The following USP34 variants were observed in gnomAD, a reference collection of about 807,000 sequenced individuals.
The protein encoded by USP34 is ubiquitin specific peptidase 34, also known as ubiquitin carboxyl-terminal hydrolase 34.
USP34 carries 70 observed loss-of-function variants against 460.3 expected under a neutral mutation model. The observed-to-expected ratio is 0.15, with a 90% confidence interval of 0.13 to 0.19. USP34 has a LOEUF of 0.19. Ranked by LOEUF, USP34 falls within the 10% of genes least tolerant of loss-of-function variation. USP34 has a pLI of 1.00. For missense variants in USP34, 3,985 were observed against 4,236.2 expected (o/e 0.94, Z 1.65); for synonymous variants, 1,647 against 1,405.3 (o/e 1.17, Z -3.85).
intron 25 of USP34, among the ~76,000 whole-genome samples, chr2:61,312,441 A>G (rs1690622194): frequency 6.6e-6 from 1 of 151,910 alleles, no homozygotes; most frequent in African/African-American, 2.4e-5. Flanking sequence ...ACCTAGCATG[A>G]TAATCACTAA....
chr2:61,275,041 C>T (rs1342660855), intron 41 of USP34, among the ~76,000 whole-genome samples: 1 of 152,086 alleles, frequency 6.6e-6, no homozygotes, highest in Non-Finnish European at 1.5e-5. Context: ...CATTAGGAGG[C>T]CAAGGCAGAA....
At chr2:61,392,070 G>A (rs1693364762) in intron 5 of USP34, among the ~76,000 whole-genome samples, 2 of 152,122 alleles carry the variant, frequency 1.3e-5, no homozygotes, top group Admixed American at 1.3e-4. Context: ...GTCATAAAAG[G>A]GCTGAAGAGA....
At chr2:61,268,680 T>A (rs1469135239) in intron 41 of USP34, among the ~76,000 whole-genome samples, 1 of 152,048 alleles carries the variant, frequency 6.6e-6, no homozygotes, top group Non-Finnish European at 1.5e-5. Context: ...AAATTCAATT[T>A]AAAAAGTTAT....
Position 61,187,944 on chromosome 2 carries a change from A to T in USP34, c.*158T>A, listed in dbSNP as rs1686488359. ...GAAGATGCAAGTTTTTTTCATCTGG[A>T]GTTCTGCCTGACCAAGAATTAAGCC... On this transcript the variant is annotated 3_prime_UTR_variant, in exon 80 of 80. Coordinates refer to ENST00000398571, the MANE Select transcript of USP34 (RefSeq NM_014709.4). 3 of 1,435,096 alleles carry T rather than the reference A, an allele frequency of 2.1e-6. No individual in the cohort carries two copies. The East Asian group carries it at 7.6e-5, about 36-fold the overall frequency. The allele number at this position is 1,435,096 out of a possible 1,614,324, so 88.9% of individuals were successfully genotyped here.
intron 1 of USP34, among the ~76,000 whole-genome samples, chr2:61,456,993 A>G (rs1695459889): frequency 6.6e-6 from 1 of 150,792 alleles, no homozygotes; most frequent in Non-Finnish European, 1.5e-5. Context: ...AAAACTAAAC[A>G]GACCAGTGGT....
intron 7 of USP34, among the ~76,000 whole-genome samples, chr2:61,379,781 T>C (rs899996253): frequency 1.3e-5 from 2 of 152,248 alleles, no homozygotes; most frequent in African/African-American, 4.8e-5. Context: ...AAAACAAACA[T>C]TTAGTAAAAT....
intron 2 of USP34, among the ~76,000 whole-genome samples, chr2:61,408,751 C>T (rs745917518): frequency 2.6e-5 from 4 of 151,860 alleles, no homozygotes; most frequent in African/African-American, 4.8e-5. Flanking sequence ...AAAAATTAGA[C>T]GGGCTTGGTG....
chr2:61,395,944 A>G (rs1267706989), intron 3 of USP34, among the ~76,000 whole-genome samples: 1 of 151,264 alleles, frequency 6.6e-6, no homozygotes, highest in East Asian at 1.9e-4. Context: ...GGCACTTGTA[A>G]TACTCAGGAG....
At chr2:61,322,089 G>C (rs558559434) in intron 21 of USP34, among the ~76,000 whole-genome samples, 1 of 152,170 alleles carries the variant, frequency 6.6e-6, no homozygotes, top group South Asian at 2.1e-4. Context: ...AATTAGCTAG[G>C]CGTGGTGGCG....
chr2:61,256,363 A>G (rs367570947), intron 48 of USP34, 21 bp downstream of exon 48: 158 of 1,588,978 alleles, frequency 9.9e-5, no homozygotes, highest in Non-Finnish European at 8.7e-5. Context: ...CATAATAAAA[A>G]TCACATTTGA....
intron 10 of USP34, among the ~76,000 whole-genome samples, chr2:61,353,870 T>C (rs1443517016): frequency 6.6e-6 from 1 of 151,800 alleles, no homozygotes; most frequent in Non-Finnish European, 1.5e-5. Context: ...AAATGAAAGG[T>C]ACAACAACTG....
At chr2:61,240,397 G>A (rs971237229) in intron 53 of USP34, among the ~76,000 whole-genome samples, 1 of 151,930 alleles carries the variant, frequency 6.6e-6, no homozygotes, top group Admixed American at 6.6e-5. Context: ...TCCTGCCTCA[G>A]CCTCCCGAGT....
chr2:61,214,004 A>G, intron 68 of USP34, 56 bp downstream of exon 68: 1 of 1,596,050 alleles, frequency 6.3e-7, no homozygotes, highest in Non-Finnish European at 8.5e-7. Context: ...CAGGGGAAAA[A>G]CAGGTATTTC....
Position 61,348,531 on chromosome 2 carries a change from A to T in USP34, c.1675-51T>A, listed in dbSNP as rs757447856. On this transcript the variant is annotated intron_variant, in intron 14 of 79. Transcript: ENST00000398571. ...AATAAATATTTAAACCAGTAAGAAA[A>T]AAGGTAACCAACATTAATAAACTGT... The T allele has an allele frequency of 3.7e-5, 57 of 1,558,832 alleles. No homozygotes were observed. In the East Asian group the frequency reaches 1.3e-3, roughly 35 times the overall value.
At chr2:61,454,865 TTTTTC>T (rs1433467621) in intron 1 of USP34, among the ~76,000 whole-genome samples, 20 of 90,494 alleles carry the variant, frequency 2.2e-4, no homozygotes, top group East Asian at 3.5e-4. Context: ...TGGGGTTTTT[TTTTTC>T]TTTTTTTTTT....
intron 29 of USP34, among the ~76,000 whole-genome samples, chr2:61,300,499 C>A (rs1234698166): frequency 6.8e-6 from 1 of 147,972 alleles, no homozygotes; most frequent in Non-Finnish European, 1.5e-5. Context: ...TTTTACTACT[C>A]TTAAAAGATT....
At chr2:61,324,348 A>G (rs1691019695) in intron 21 of USP34, among the ~76,000 whole-genome samples, 1 of 152,236 alleles carries the variant, frequency 6.6e-6, no homozygotes, top group Non-Finnish European at 1.5e-5. Flanking sequence ...AAACTAAATA[A>G]AACTGGGGCC....
At chr2:61,451,878 A>C (rs967426594) in intron 1 of USP34, among the ~76,000 whole-genome samples, 4 of 152,004 alleles carry the variant, frequency 2.6e-5, no homozygotes, top group African/African-American at 9.7e-5. Flanking sequence ...AAAAGCTAGA[A>C]AAAGACTTAA....
chr2:61,378,473 T>G, intron 7 of USP34, 49 bp from the exon 8 acceptor site: 2 of 1,323,456 alleles, frequency 1.5e-6, no homozygotes, highest in Non-Finnish European at 2.1e-6. Flanking sequence ...AAAATTATTC[T>G]TGCATTTGTC....
Sources: gnomAD v4.1 joint callset for allele counts (sites outside exome capture counted in the v4.1 genomes callset) on GRCh38, gnomAD v4.1.1 for gene constraint, MANE v1.5 for transcripts, NCBI Gene and HGNC (gene_info 2026-07-23, HGNC 2026-07-21) for gene names.